PTPN21: variants seen among roughly 807,000 people sequenced by gnomAD.
PTPN21 encodes tyrosine-protein phosphatase non-receptor type 21.
In PTPN21, 77 loss-of-function variants were observed where a neutral mutation model predicts 131.8. That is an observed-to-expected ratio of 0.58 (90% CI 0.49 to 0.71). The LOEUF (loss-of-function observed/expected upper bound fraction) is 0.71, where lower values mean the gene tolerates loss of function less well. Among genes scored for constraint, PTPN21 ranks in the 30% least tolerant of loss-of-function variants. The pLI, the probability that PTPN21 is intolerant of heterozygous loss-of-function variation, is 0.00. For missense variants in PTPN21, 1,552 were observed against 1,527.1 expected (o/e 1.02, Z -0.27); for synonymous variants, 715 against 621.3 (o/e 1.15, Z -2.24).
intron 2 of PTPN21, among the ~76,000 whole-genome samples, chr14:88,538,539 C>T (rs1024426482): frequency 6.6e-6 from 1 of 152,120 alleles, no homozygotes; most frequent in African/African-American, 2.4e-5. Flanking sequence ...CTTTGCCTGA[C>T]GTGAGTGCAA....
chr14:88,500,285 C>T (rs2077988868), intron 8 of PTPN21, among the ~76,000 whole-genome samples: 1 of 152,068 alleles, frequency 6.6e-6, no homozygotes. Context: ...CAAAAATTAG[C>T]CAGGCATGGT....
Position 88,468,897 on chromosome 14 carries a change from T to A in PTPN21, c.3396+19A>T, listed in dbSNP as rs750864725. ...CTCATTTCCACCCAAAAAGGCCAGG[T>A]GATCATAAGCGCCATCACCTCATTG... On this transcript the variant is annotated intron_variant, in intron 18 of 18. Coordinates refer to ENST00000556564, the MANE Select transcript of PTPN21 (RefSeq NM_007039.4). The A allele has an allele frequency of 4.3e-6, 7 of 1,613,662 alleles. No individual in the cohort carries two copies. Among genetic ancestry groups the A allele is most frequent in the African/African-American group, 1.3e-5 (1 of 74,882 alleles).
chr14:88,496,384 G>T (rs865969676), intron 10 of PTPN21, 29 bp downstream of exon 10: 3 of 1,548,376 alleles, frequency 1.9e-6, no homozygotes, highest in Admixed American at 1.7e-5. Context: ...CATTATTTTT[G>T]ATAATTTCCA....
intron 2 of PTPN21, among the ~76,000 whole-genome samples, chr14:88,542,694 A>G (rs1256029577): frequency 6.6e-6 from 1 of 152,240 alleles, no homozygotes; most frequent in Non-Finnish European, 1.5e-5. Context: ...ATACTTATTT[A>G]TATGGCTAAT....
At chr14:88,531,086 T>A (rs1352060600) in intron 2 of PTPN21, among the ~76,000 whole-genome samples, 2 of 152,138 alleles carry the variant, frequency 1.3e-5, no homozygotes, top group African/African-American at 4.8e-5. Context: ...TTACATCAAG[T>A]ACTCTCTCAG....
intron 13 of PTPN21, 56 bp downstream of exon 13, chr14:88,478,864 A>C: frequency 8.2e-7 from 1 of 1,222,120 alleles, no homozygotes; most frequent in Non-Finnish European, 1.1e-6. Flanking sequence ...GAGTGAAAGA[A>C]GCGCCAGGGC....
At chr14:88,544,694 A>G (rs748932259) in intron 2 of PTPN21, among the ~76,000 whole-genome samples, 2 of 152,198 alleles carry the variant, frequency 1.3e-5, no homozygotes, top group African/African-American at 2.4e-5. Flanking sequence ...TTTACTAAGC[A>G]GCCATCTCAA....
chr14:88,493,288 G>A, intron 10 of PTPN21: 2 of 335,234 alleles, frequency 6.0e-6, no homozygotes, highest in Non-Finnish European at 1.2e-5. Flanking sequence ...TTTCAGAGTG[G>A]TGTCAAGGAC....
At chr14:88,549,070 G>C (rs958100523) in intron 2 of PTPN21, among the ~76,000 whole-genome samples, 3 of 152,220 alleles carry the variant, frequency 2.0e-5, no homozygotes, top group Non-Finnish European at 4.4e-5. Flanking sequence ...ACTGAGTTCA[G>C]GCAGTATGTT....
rs773574928 is a variant in PTPN21, at chr14:88,468,996, C to G, written c.3316G>C (p.Val1106Leu). 1 of 1,614,166 alleles carries G rather than the reference C, an allele frequency of 6.2e-7. No individual in the cohort carries two copies. Among genetic ancestry groups the G allele is most frequent in the South Asian group, 1.1e-5 (1 of 91,076 alleles). Residue 1106 changes from valine (V) to leucine (L), a missense_variant, in exon 18 of 19, where the codon GTC becomes CTC. Transcript: ENST00000556564. The stretch of plus-strand genomic sequence containing the variant: ...CTTCCTACCCCAGCACTGCAGTGGA[C>G]CAACAACGGAGGGTTGGGGCTTTGG... ...DPQSPNPPLLVHCSAGVGRTG... is the reference protein window; with the variant it reads ...DPQSPNPPLLLHCSAGVGRTG...
chr14:88,518,986 CACAT>C (rs1224007182), intron 2 of PTPN21, among the ~76,000 whole-genome samples: 18 of 25,380 alleles, frequency 7.1e-4, no homozygotes, highest in Non-Finnish European at 9.3e-4. Context: ...TACACACACA[CACAT>C]ACACACACAC....
intron 3 of PTPN21, among the ~76,000 whole-genome samples, chr14:88,508,799 T>C (rs1412030421): frequency 6.6e-6 from 1 of 152,244 alleles, no homozygotes; most frequent in African/African-American, 2.4e-5. Context: ...AAAATGTTTC[T>C]GATGAAATCC....
intron 12 of PTPN21, among the ~76,000 whole-genome samples, chr14:88,481,991 C>A (rs574086878): frequency 1.3e-5 from 2 of 152,266 alleles, no homozygotes; most frequent in Non-Finnish European, 2.9e-5. Flanking sequence ...CAAGCCCCTA[C>A]GGCAGACTCA....
chr14:88,508,454 C>T (rs977156711), intron 3 of PTPN21, among the ~76,000 whole-genome samples: 2 of 152,104 alleles, frequency 1.3e-5, no homozygotes, highest in Admixed American at 6.5e-5. Context: ...AGCCCCTAGA[C>T]AGTTTCAAAC....
intron 2 of PTPN21, among the ~76,000 whole-genome samples, chr14:88,545,714 G>A (rs554768319): frequency 1.3e-5 from 2 of 152,314 alleles, no homozygotes; most frequent in East Asian, 1.9e-4. Context: ...TGTAATCCCA[G>A]CACTTTGGGA....
At chr14:88,536,782 G>A (rs2078638034) in intron 2 of PTPN21, among the ~76,000 whole-genome samples, 1 of 152,156 alleles carries the variant, frequency 6.6e-6, no homozygotes, top group African/African-American at 2.4e-5. Context: ...ATTTCATCCT[G>A]ATGCCTTTCT....
intron 2 of PTPN21, among the ~76,000 whole-genome samples, chr14:88,540,407 C>T (rs910830205): frequency 2.0e-5 from 3 of 152,184 alleles, no homozygotes; most frequent in African/African-American, 7.2e-5. Flanking sequence ...TACATGCAGC[C>T]ATATCACATA....
intron 2 of PTPN21, among the ~76,000 whole-genome samples, chr14:88,518,153 T>C (rs979341642): frequency 2.2e-5 from 3 of 135,380 alleles, no homozygotes; most frequent in African/African-American, 8.2e-5. Flanking sequence ...TTACCTCCTT[T>C]TTTTCCTTCA....
rs144973314 is a variant in PTPN21, at chr14:88,526,280, T to C, written c.181-9019A>G. Reference sequence around the variant, plus strand: ...AGTGGTTAGTTGTGGCCAGGCACGGTGGCTCACATCTATAATCCCAGCACT... The same window carrying C: ...AGTGGTTAGTTGTGGCCAGGCACGGCGGCTCACATCTATAATCCCAGCACT... On this transcript the variant is annotated intron_variant, in intron 2 of 18. Coordinates refer to ENST00000556564, the MANE Select transcript of PTPN21 (RefSeq NM_007039.4). Among the ~76,000 whole-genome samples, 278 of 152,232 alleles carry C rather than the reference T, an allele frequency of 1.8e-3. 3 individuals carry two copies. The highest frequency in any genetic ancestry group is 5.9e-3 in the African/African-American group (247 of 41,548).
Sources: allele counts gnomAD v4.1 joint callset (sites outside exome capture counted in the v4.1 genomes callset), GRCh38; gene constraint gnomAD v4.1.1; transcripts MANE v1.5; gene names NCBI Gene and HGNC (gene_info 2026-07-23, HGNC 2026-07-21).